Variants in NCK2 observed in about 807,000 individuals in gnomAD.
The protein encoded by NCK2 is NCK adaptor protein 2.
NCK2 carries 16 observed loss-of-function variants against 33.9 expected under a neutral mutation model. The ratio of observed to expected loss-of-function variants is 0.47; its 90% CI spans 0.32 to 0.72. The LOEUF (loss-of-function observed/expected upper bound fraction) is 0.72. NCK2 is among the 30% of genes least tolerant of loss of function. The pLI is 0.03. For synonymous variants in NCK2, 273 were observed against 239.9 expected (o/e 1.14, Z -1.27); for missense variants, 418 against 537.3 (o/e 0.78, Z 2.19).
chr2:105,865,081 C>G (rs1677694690), intron 3 of NCK2, among the ~76,000 whole-genome samples: 1 of 152,162 alleles, frequency 6.6e-6, no homozygotes, highest in South Asian at 2.1e-4. Flanking sequence ...CCTGACCTCC[C>G]TGCTGAGGAG....
intron 1 of NCK2, among the ~76,000 whole-genome samples, chr2:105,812,738 G>A (rs1675335026): frequency 1.3e-5 from 2 of 151,742 alleles, no homozygotes; most frequent in African/African-American, 4.8e-5. Context: ...GTGTAACACA[G>A]ATTAGATTTG....
chr2:105,816,404 C>G (rs900841815), intron 1 of NCK2, 26 bp from the exon 2 acceptor site: 4 of 152,164 alleles, frequency 2.6e-5, no homozygotes, highest in African/African-American at 9.7e-5. Context: ...AGCAAGCAGA[C>G]CTAATATATG....
intron 3 of NCK2, among the ~76,000 whole-genome samples, chr2:105,869,662 CT>C (rs1349975934): frequency 2.0e-5 from 3 of 152,166 alleles, no homozygotes; most frequent in African/African-American, 7.2e-5. Context: ...GCGTGCTGAA[CT>C]TTTGCCAGTG....
intron 2 of NCK2, among the ~76,000 whole-genome samples, chr2:105,840,823 G>A (rs1188556670): frequency 6.6e-6 from 1 of 152,216 alleles, no homozygotes; most frequent in Admixed American, 6.5e-5. Flanking sequence ...AGGCCCAGAG[G>A]CTGAATCTTG....
intron 1 of NCK2, among the ~76,000 whole-genome samples, chr2:105,799,137 A>T (rs965789599): frequency 6.6e-6 from 1 of 151,954 alleles, no homozygotes; most frequent in East Asian, 1.9e-4. Flanking sequence ...CTAAGTTGCA[A>T]ATGTTTTCTC....
intron 1 of NCK2, among the ~76,000 whole-genome samples, chr2:105,761,676 A>C (rs1689767743): frequency 6.6e-6 from 1 of 152,156 alleles, no homozygotes; most frequent in South Asian, 2.1e-4. Context: ...CCAGGAGTTC[A>C]AGACCAGCCT....
At chr2:105,774,035 G>A (rs975231677) in intron 1 of NCK2, among the ~76,000 whole-genome samples, 1 of 149,762 alleles carries the variant, frequency 6.7e-6, no homozygotes, top group Non-Finnish European at 1.5e-5. Context: ...TTGAGACGGA[G>A]TCTCGCCCTG....
chr2:105,889,888 T>G (rs1229187654), intron 4 of NCK2, among the ~76,000 whole-genome samples: 1 of 152,144 alleles, frequency 6.6e-6, no homozygotes, highest in African/African-American at 2.4e-5. Context: ...GGCTGGCCCT[T>G]GAGAATATGC....
intron 4 of NCK2, among the ~76,000 whole-genome samples, chr2:105,889,053 C>T (rs917446103): frequency 4.6e-5 from 7 of 152,166 alleles, no homozygotes; most frequent in African/African-American, 9.7e-5. Context: ...GAAAGCCAAC[C>T]GTGGAAGGAC....
chr2:105,809,835 G>A (rs1675221713), intron 1 of NCK2, among the ~76,000 whole-genome samples: 1 of 152,152 alleles, frequency 6.6e-6, no homozygotes, highest in South Asian at 2.1e-4. Context: ...GGCTTTTGAA[G>A]AGCTTCTTGA....
At chr2:105,783,463 T>C (rs1228387801) in intron 1 of NCK2, among the ~76,000 whole-genome samples, 1 of 152,176 alleles carries the variant, frequency 6.6e-6, no homozygotes, top group African/African-American at 2.4e-5. Context: ...GATGCAGCGT[T>C]GCCTGTCTGA....
At chr2:105,794,971 GT>G (rs1308648461) in intron 1 of NCK2, among the ~76,000 whole-genome samples, 6 of 151,880 alleles carry the variant, frequency 4.0e-5, no homozygotes, top group African/African-American at 9.7e-5. Flanking sequence ...TTTTAAAGAT[GT>G]TTTTTTCTTT....
Position 105,822,400 on chromosome 2 carries a change from A to T in NCK2, c.-17+5787A>T, listed in dbSNP as rs148541757. Among the ~76,000 whole-genome samples, 202 of 151,098 alleles carry T rather than the reference A, an allele frequency of 1.3e-3. 1 individual carries two copies. Among genetic ancestry groups the T allele is most frequent in the Non-Finnish European group, 2.2e-3 (151 of 68,006 alleles). ...AGCTTAACATCAGACCTGCCAAAAG[A>T]GAAGTTCTCTGTACAGGCCAGGGGA... On this transcript the variant is annotated intron_variant, in intron 2 of 4. Transcript: ENST00000233154.
chr2:105,883,374 T>C (rs546519438), intron 4 of NCK2, among the ~76,000 whole-genome samples: 2 of 152,186 alleles, frequency 1.3e-5, no homozygotes, highest in Non-Finnish European at 2.9e-5. Flanking sequence ...GAAAACCAAT[T>C]ACAATATTAA....
At chr2:105,826,380 TGGGGACACAAAGCCTAACCCCA>T (rs1675944530) in intron 2 of NCK2, among the ~76,000 whole-genome samples, 1 of 152,046 alleles carries the variant, frequency 6.6e-6, no homozygotes, top group Non-Finnish European at 1.5e-5. Context: ...AAGATTTGGG[TGGGGACACAAAGCCTAACCCCA>T]CCACCCTTCG....
At chr2:105,887,442 A>G (rs1274633388) in intron 4 of NCK2, among the ~76,000 whole-genome samples, 1 of 152,014 alleles carries the variant, frequency 6.6e-6, no homozygotes, top group Non-Finnish European at 1.5e-5. Flanking sequence ...TGATGCTTGG[A>G]GACTTCAGCG....
intron 1 of NCK2, among the ~76,000 whole-genome samples, chr2:105,771,170 C>T (rs1256198451): frequency 6.6e-6 from 1 of 152,090 alleles, no homozygotes; most frequent in East Asian, 1.9e-4. Flanking sequence ...GATCCGCCTG[C>T]CTTGGCCTCC....
At chr2:105,829,744 C>T (rs1158055550) in intron 2 of NCK2, among the ~76,000 whole-genome samples, 1 of 152,142 alleles carries the variant, frequency 6.6e-6, no homozygotes, top group South Asian at 2.1e-4. Flanking sequence ...ATACTGACTC[C>T]CTCTCCCCCT....
At chr2:105,821,206 T>C (rs1339342678) in intron 2 of NCK2, among the ~76,000 whole-genome samples, 1 of 152,248 alleles carries the variant, frequency 6.6e-6, no homozygotes, top group Non-Finnish European at 1.5e-5. Flanking sequence ...TATCATATCC[T>C]GGTTGTTTGG....
Sources: allele counts gnomAD v4.1 joint callset (sites outside exome capture counted in the v4.1 genomes callset), GRCh38; gene constraint gnomAD v4.1.1; transcripts MANE v1.5; gene names NCBI Gene and HGNC (gene_info 2026-07-23, HGNC 2026-07-21).